Variants in NKAIN3 observed in about 807,000 individuals in gnomAD.
The protein encoded by NKAIN3 is sodium/potassium-transporting ATPase subunit beta-1-interacting protein 3.
Under a neutral mutation model 30.2 loss-of-function variants are expected in NKAIN3, and 25 were observed. The ratio of observed to expected loss-of-function variants is 0.83; its 90% confidence interval spans 0.60 to 1.16. The LOEUF is 1.16. Among genes scored for constraint, NKAIN3 ranks in the 50% most tolerant of loss-of-function variants. NKAIN3 has a pLI of 0.00. For missense variants in NKAIN3, 225 were observed against 254.1 expected (o/e 0.89, Z 0.78); for synonymous variants, 91 against 89.6 (o/e 1.02, Z -0.09).
rs149342562 is a variant in NKAIN3, at chr8:62,959,892, C to T, written c.604-5462C>T. ...GCACTCAGCACCTTCTTAGTTGTCC[C>T]GAAGGAGAGATGGGCTTCCTTGTGT... On this transcript the variant is annotated intron_variant, in intron 6 of 6. Coordinates refer to ENST00000623646, the MANE Select transcript of NKAIN3 (RefSeq NM_001304533.3). Among the ~76,000 whole-genome samples the T allele has an allele frequency of 2.5e-3, 377 of 152,260 alleles. 2 individuals carry two copies. Among genetic ancestry groups the T allele is most frequent in the African/African-American group, 8.5e-3 (353 of 41,536 alleles).
At chr8:62,812,770 C>T (rs559957996) in intron 4 of NKAIN3, among the ~76,000 whole-genome samples, 2 of 151,922 alleles carry the variant, frequency 1.3e-5, no homozygotes, top group South Asian at 4.2e-4. Context: ...TTATTCAATG[C>T]TATTTTCCTC....
At chr8:62,551,810 A>T (rs1007155776) in intron 1 of NKAIN3, among the ~76,000 whole-genome samples, 5 of 152,228 alleles carry the variant, frequency 3.3e-5, no homozygotes, top group African/African-American at 1.2e-4. Context: ...ACAAACCTTC[A>T]TATCAGAGAT....
rs1174238537 is a variant in NKAIN3 at position 62,983,100 on chromosome 8, C to G, written c.*17693C>G. On this transcript the variant is annotated 3_prime_UTR_variant, in exon 7 of 7. Transcript: ENST00000623646. Reference sequence around the variant, plus strand: ...TAAACTAGCTCCCTAGGTGAGACAGCATTAGATGACCTCCTTCGTGCCACA... The same window carrying G: ...TAAACTAGCTCCCTAGGTGAGACAGGATTAGATGACCTCCTTCGTGCCACA... The G allele has an allele frequency of 6.6e-6, 1 of 152,176 alleles. No individual in the cohort carries two copies. Among genetic ancestry groups the G allele is most frequent in the Non-Finnish European group, 1.5e-5 (1 of 68,058 alleles). The allele number at this position is 152,176 out of a possible 1,614,324, so 9.4% of individuals were successfully genotyped here. A position where few individuals can be genotyped will look rare whatever the true frequency, so the allele number is the denominator to read the frequency against.
At chr8:62,900,566 A>G (rs1378522) in intron 4 of NKAIN3, among the ~76,000 whole-genome samples, 114,800 of 152,124 alleles carry the variant, frequency 0.75, 43,845 homozygotes, top group East Asian at 0.98. Context: ...TTTCTCATAC[A>G]TAGAATAAAA....
At chr8:62,707,953 G>A (rs748912973) in intron 3 of NKAIN3, among the ~76,000 whole-genome samples, 3 of 152,004 alleles carry the variant, frequency 2.0e-5, no homozygotes, top group Non-Finnish European at 4.4e-5. Context: ...TGGCTAGCCA[G>A]TTACCGAGCA....
chr8:62,277,860 C>A (rs922239475), intron 1 of NKAIN3, among the ~76,000 whole-genome samples: 1 of 152,088 alleles, frequency 6.6e-6, no homozygotes, highest in Admixed American at 6.6e-5. Flanking sequence ...ATAGATGAGG[C>A]AGTAGTTTTC....
chr8:62,964,533 AGAGAGTGTGTGT>A (rs911265122), intron 6 of NKAIN3, among the ~76,000 whole-genome samples: 1 of 107,014 alleles, frequency 9.3e-6, no homozygotes, highest in African/African-American at 3.4e-5. Flanking sequence ...AGAGAGAGAG[AGAGAGTGTGTGT>A]GTGTGTGTGT....
At chr8:62,508,662 A>C (rs896038586) in intron 1 of NKAIN3, among the ~76,000 whole-genome samples, 6 of 152,186 alleles carry the variant, frequency 3.9e-5, no homozygotes, top group Non-Finnish European at 8.8e-5. Flanking sequence ...ATCTTCTGTA[A>C]AGATGATTAG....
chr8:62,934,228 G>T (rs1278414765), intron 5 of NKAIN3, among the ~76,000 whole-genome samples: 1 of 151,252 alleles, frequency 6.6e-6, no homozygotes, highest in Admixed American at 6.6e-5. Context: ...CTAAAAAAAA[G>T]GAAAGAAAGA....
intron 3 of NKAIN3, among the ~76,000 whole-genome samples, chr8:62,729,333 C>A (rs1815393927): frequency 6.6e-6 from 1 of 152,216 alleles, no homozygotes; most frequent in Admixed American, 6.5e-5. Flanking sequence ...CCACTACATA[C>A]CTATTAGAAT....
intron 1 of NKAIN3, among the ~76,000 whole-genome samples, chr8:62,250,092 A>G (rs1812052884): frequency 6.6e-6 from 1 of 152,238 alleles, no homozygotes; most frequent in Admixed American, 6.5e-5. Context: ...TCGAGTCACA[A>G]ATATAAACTA....
intron 3 of NKAIN3, among the ~76,000 whole-genome samples, chr8:62,661,888 C>T (rs997273654): frequency 1.1e-4 from 16 of 152,150 alleles, no homozygotes; most frequent in African/African-American, 3.9e-4. Flanking sequence ...AGCCCAGCAC[C>T]TTCTTTGGCT....
chr8:62,863,293 G>T, intron 4 of NKAIN3: 1 of 1,549,674 alleles, frequency 6.5e-7, no homozygotes. Flanking sequence ...CTGTGGAGCC[G>T]TACTCACTGC....
At chr8:62,655,553 G>A (rs772815717) in intron 3 of NKAIN3, among the ~76,000 whole-genome samples, 5 of 121,114 alleles carry the variant, frequency 4.1e-5, no homozygotes, top group Non-Finnish European at 9.2e-5. Context: ...AAAACAGGTA[G>A]AATAAATATA....
intron 1 of NKAIN3, 52 bp downstream of exon 1, chr8:62,249,179 G>GCCTCTGCGACTC: frequency 1.4e-6 from 2 of 1,442,016 alleles, no homozygotes; most frequent in Non-Finnish European, 1.9e-6. Context: ...TCCAGGACCG[G>GCCTCTGCGACTC]CCTCTGCGAC....
intron 4 of NKAIN3, among the ~76,000 whole-genome samples, chr8:62,752,619 G>A (rs1563546347): frequency 6.6e-6 from 1 of 152,150 alleles, no homozygotes; most frequent in Non-Finnish European, 1.5e-5. Flanking sequence ...AATTATTACA[G>A]TGGAACAAAG....
intron 4 of NKAIN3, among the ~76,000 whole-genome samples, chr8:62,806,518 A>C (rs1818287649): frequency 6.6e-6 from 1 of 152,140 alleles, no homozygotes; most frequent in Non-Finnish European, 1.5e-5. Context: ...CATGGATGAA[A>C]TTGGATATCA....
At chr8:62,845,349 T>A (rs1252514601) in intron 4 of NKAIN3, among the ~76,000 whole-genome samples, 1 of 139,440 alleles carries the variant, frequency 7.2e-6, no homozygotes, top group Non-Finnish European at 1.5e-5. Flanking sequence ...CTTGTATTTA[T>A]CAAAGATTCT....
chr8:62,495,224 T>G (rs549413402), intron 1 of NKAIN3, among the ~76,000 whole-genome samples: 1 of 152,068 alleles, frequency 6.6e-6, no homozygotes, highest in Non-Finnish European at 1.5e-5. Context: ...GATAAAATAG[T>G]TTTTGAATTA....
Sources: gnomAD v4.1 joint callset for allele counts (sites outside exome capture counted in the v4.1 genomes callset) on GRCh38, gnomAD v4.1.1 for gene constraint, MANE v1.5 for transcripts, NCBI Gene and HGNC (gene_info 2026-07-23, HGNC 2026-07-21) for gene names.